The following KNDC1 variants were observed in gnomAD, a reference collection of about 807,000 sequenced individuals.
KNDC1 encodes the protein kinase non-catalytic C-lobe domain-containing protein 1.
A neutral mutation model predicts 172.8 loss-of-function variants in KNDC1; 106 were observed. The ratio of observed to expected loss-of-function variants is 0.61; its 90% CI spans 0.52 to 0.72. KNDC1 has a LOEUF of 0.72. Ranked by LOEUF, KNDC1 falls within the 30% of genes least tolerant of loss-of-function variation. KNDC1 has a pLI of 0.00. For synonymous variants in KNDC1, 1,083 were observed against 1,062.2 expected (o/e 1.02, Z -0.38); for missense variants, 2,325 against 2,394.5 (o/e 0.97, Z 0.61).
At chr10:133,221,829 G>A (rs1362462450) in intron 29 of KNDC1, among the ~76,000 whole-genome samples, 1 of 127,268 alleles carries the variant, frequency 7.9e-6, no homozygotes, top group African/African-American at 2.8e-5. Flanking sequence ...GTAACCCTAG[G>A]TAGGCCGGGC....
In KNDC1 at chr10:133,224,498, C is replaced by A. The variant is rs1224295652; in HGVS notation, c.5019-161C>A. 6.6e-6 allele frequency among the ~76,000 whole-genome samples: 1 copy of A among 152,126 alleles called. No individual in the cohort carries two copies. Among genetic ancestry groups the A allele is most frequent in the Non-Finnish European group, 1.5e-5 (1 of 68,016 alleles). ...CAGACGGAAAGGTCTGAGTAGTGAC[C>A]TTTCCACCTCGCCAATAAATACAGA... On this transcript the variant is annotated intron_variant, in intron 29 of 29. Transcript: ENST00000304613. The surrounding 1 kb of genome is among the most constrained non-coding windows in gnomAD (Gnocchi z 5.4).
At chr10:133,178,680 T>A (rs1331617213) in intron 3 of KNDC1, among the ~76,000 whole-genome samples, 1 of 152,180 alleles carries the variant, frequency 6.6e-6, no homozygotes, top group Non-Finnish European at 1.5e-5. Flanking sequence ...GAGTCTCTCA[T>A]GACCCCACAC....
intron 3 of KNDC1, among the ~76,000 whole-genome samples, chr10:133,178,137 A>C (rs1316446113): frequency 1.4e-5 from 2 of 146,548 alleles, no homozygotes; most frequent in Non-Finnish European, 1.5e-5. Flanking sequence ...GCATGCATGT[A>C]GTCTATGTGT....
intron 18 of KNDC1, 26 bp from the exon 19 acceptor site, chr10:133,206,830 C>T (rs763276619): frequency 6.2e-7 from 1 of 1,612,920 alleles, no homozygotes; most frequent in East Asian, 2.2e-5. Context: ...GCAGCCCGGC[C>T]CCCACCCACT....
chr10:133,185,377 T>C (rs1853864384), intron 5 of KNDC1, among the ~76,000 whole-genome samples: 1 of 131,078 alleles, frequency 7.6e-6, no homozygotes, highest in Non-Finnish European at 1.7e-5. Context: ...CAGTGTGGAG[T>C]AGGCAGTGTG....
At position 133,201,618 on chromosome 10, in the gene KNDC1, C is replaced by T. The variant is rs1564892748; in HGVS notation, c.3107C>T (p.Pro1036Leu). The T allele has an allele frequency of 1.2e-6, 2 of 1,613,116 alleles. No homozygotes were observed. The highest frequency in any genetic ancestry group is 1.7e-5 in the Admixed American group (1 of 60,028). ...GGAAACTTCGAGGTGGGGTTTCGGC[C>T]TCAGAGGTCCGTAAAAGCCGAGAGA... ...SRGNFEVGFRPQRSVKAERAQ... is the reference protein window; with the variant it reads ...SRGNFEVGFRLQRSVKAERAQ... Residue 1036 changes from proline to leucine, a missense_variant, in exon 17 of 30, where the codon CCT becomes CTT. Pro to Leu is a moderately conservative substitution (Grantham distance 98). Coordinates refer to ENST00000304613, the MANE Select transcript of KNDC1 (RefSeq NM_152643.8).
chr10:133,219,131 A>G, intron 28 of KNDC1, 41 bp downstream of exon 28: 4 of 1,597,474 alleles, frequency 2.5e-6, no homozygotes, highest in Non-Finnish European at 3.4e-6. Context: ...TGGTCCCCCG[A>G]GGCCCTCTCC....
At chr10:133,221,170 G>T (rs115069168) in intron 29 of KNDC1, among the ~76,000 whole-genome samples, 2,375 of 152,100 alleles carry the variant, frequency 0.016, 64 homozygotes, top group African/African-American at 0.054. Context: ...TGTCCTGACC[G>T]CTGGGTGCCA....
intron 9 of KNDC1, among the ~76,000 whole-genome samples, chr10:133,190,422 G>C (rs1451495268): frequency 1.3e-5 from 2 of 151,988 alleles, no homozygotes; most frequent in East Asian, 1.9e-4. Context: ...GCACCCTGCA[G>C]TAAGCACCCT....
chr10:133,203,110 G>T (rs530993640), intron 17 of KNDC1, among the ~76,000 whole-genome samples: 43 of 88,242 alleles, frequency 4.9e-4, no homozygotes, highest in African/African-American at 1.4e-3. Flanking sequence ...AACGCACGGC[G>T]TCCAGCGGGG....
rs868166829 is a variant in KNDC1 at position 133,189,616 on chromosome 10, C to T, written c.1460C>T (p.Ser487Phe). 1 of 1,613,718 alleles carries T rather than the reference C, an allele frequency of 6.2e-7. No individual in the cohort carries two copies. The highest frequency in any genetic ancestry group is 8.5e-7 in the Non-Finnish European group (1 of 1,179,988). Residue 487 changes from serine (S) to phenylalanine (F), a missense_variant, in exon 8 of 30, where the codon TCC becomes TTC. Ser to Phe is a radical substitution (Grantham distance 155, BLOSUM62 -2). Transcript: ENST00000304613. ...PEHPAYLCLD[S>F]VLVAEDGAVL... ...GCCACAGCCTACCTGTGTCTGGACTCCGTGCTGGTTGCTGAGGACGGGGCT... is the reference window on the plus strand; with the variant it reads ...GCCACAGCCTACCTGTGTCTGGACTTCGTGCTGGTTGCTGAGGACGGGGCT...
At position 133,225,302 on chromosome 10, in the gene KNDC1, C is replaced by T. The variant is rs1349087466; in HGVS notation, c.*412C>T. 8 of 213,084 alleles carry T rather than the reference C, an allele frequency of 3.8e-5. No homozygotes were observed. Among genetic ancestry groups the T allele is most frequent in the East Asian group, 1.5e-4 (1 of 6,798 alleles). 13.2% of individuals were successfully genotyped at this position (213,084 alleles called of 1,614,324 possible). A position where few individuals can be genotyped will look rare whatever the true frequency, so the allele number is the denominator to read the frequency against. On this transcript the variant is annotated 3_prime_UTR_variant, in exon 30 of 30. Coordinates refer to ENST00000304613, the MANE Select transcript of KNDC1 (RefSeq NM_152643.8). ...CTCAACAAACTTCAGAGTAGCTCCT[C>T]CCTGAGCAGGTTTCTGAGCCAGCCT...
At position 133,195,660 on chromosome 10, in the gene KNDC1, C is replaced by T. The variant is rs371117623; in HGVS notation, c.1576-3C>T. ...AGACACTATTCTCTCCCCACCCGCC[C>T]AGGCCTCTGTGTACTGTGTGGCCGC... On this transcript the variant is annotated splice_region_variant and splice_polypyrimidine_tract_variant and intron_variant, in intron 9 of 29. Transcript: ENST00000304613. 144 of 1,588,268 alleles carry T rather than the reference C, an allele frequency of 9.1e-5. No individual in the cohort carries two copies. Among genetic ancestry groups the T allele is most frequent in the Non-Finnish European group, 1.2e-4 (140 of 1,167,944 alleles).
chr10:133,180,408 G>A (rs1057470125), intron 3 of KNDC1, among the ~76,000 whole-genome samples: 12 of 152,248 alleles, frequency 7.9e-5, no homozygotes, highest in Non-Finnish European at 1.0e-4. Flanking sequence ...GTGAGGCTCC[G>A]CGGCTGCAAG....
intron 17 of KNDC1, among the ~76,000 whole-genome samples, chr10:133,205,827 G>A (rs1241044026): frequency 6.6e-6 from 1 of 152,010 alleles, no homozygotes; most frequent in African/African-American, 2.4e-5. Context: ...AGAGCGAATC[G>A]GGCCACCGCA....
Position 133,211,491 on chromosome 10 carries a change from G to C in KNDC1, c.3978G>C (p.Trp1326Cys). 1 of 1,613,944 alleles carries C rather than the reference G, an allele frequency of 6.2e-7. No individual in the cohort carries two copies. Among genetic ancestry groups the C allele is most frequent in the South Asian group, 1.1e-5 (1 of 91,084 alleles). The change falls in exon 22 of 30, where the codon TGG becomes TGC. Residue 1326 changes from tryptophan to cysteine, a missense_variant. Transcript: ENST00000304613. The part of the protein sequence containing the change: ...YRRSLCVLQA[W>C]VEDCYAVDFP... ...GGAGCCTCTGCGTCCTGCAGGCCTG[G>C]GTGGAGGACTGCTACGCTGTGGACT...
In KNDC1 at chr10:133,210,673, C is replaced by A; in HGVS notation, c.3857C>A (p.Pro1286His). ...FLYTFRYFCT[P>H]HDFLHFLLDR... ...TACACCTTCCGCTACTTCTGCACACCCCACGACTTCCTGCACTTCCTCCTC... is the reference window on the plus strand; with the variant it reads ...TACACCTTCCGCTACTTCTGCACACACCACGACTTCCTGCACTTCCTCCTC... The change falls in exon 21 of 30, where the codon CCC becomes CAC. Residue 1286 changes from proline (P) to histidine (H), a missense_variant. Transcript: ENST00000304613. The A allele has an allele frequency of 6.2e-7, 1 of 1,614,108 alleles. No individual in the cohort carries two copies. The highest frequency in any genetic ancestry group is 8.5e-7 in the Non-Finnish European group (1 of 1,179,966).
intron 23 of KNDC1, among the ~76,000 whole-genome samples, chr10:133,212,105 GCA>G (rs1049624491): frequency 9.2e-5 from 14 of 151,640 alleles, no homozygotes; most frequent in East Asian, 7.8e-4. Context: ...GCACATGCGT[GCA>G]CACTCAATCC....
chr10:133,214,395 C>A (rs1321507338), intron 26 of KNDC1, among the ~76,000 whole-genome samples: 2 of 152,220 alleles, frequency 1.3e-5, no homozygotes, highest in African/African-American at 4.8e-5. Context: ...ACTTCCACAG[C>A]CACGTCCACA....
Sources: allele counts gnomAD v4.1 joint callset (sites outside exome capture counted in the v4.1 genomes callset), GRCh38; gene constraint gnomAD v4.1.1; non-coding constraint Gnocchi (gnomAD v3.1); transcripts MANE v1.5; gene names NCBI Gene and HGNC (gene_info 2026-07-23, HGNC 2026-07-21).